Variants in ARHGEF3 observed in about 807,000 individuals in gnomAD.
The protein encoded by ARHGEF3 is 59.8 kDA protein.
A neutral mutation model predicts 63.2 loss-of-function variants in ARHGEF3; 28 were observed. The ratio of observed to expected loss-of-function variants is 0.44; its 90% CI spans 0.33 to 0.61. The LOEUF is 0.61. Ranked by LOEUF, ARHGEF3 falls within the 20% of genes least tolerant of loss-of-function variation. ARHGEF3 has a pLI of 0.03. For synonymous variants in ARHGEF3, 266 were observed against 254.2 expected (o/e 1.05, Z -0.44); for missense variants, 533 against 659.3 (o/e 0.81, Z 2.10).
intron 3 of ARHGEF3, among the ~76,000 whole-genome samples, chr3:56,886,350 C>G (rs1458317296): frequency 6.6e-6 from 1 of 152,118 alleles, no homozygotes; most frequent in East Asian, 1.9e-4. Context: ...TGCTTGTCTT[C>G]TTCACTAATT....
rs535600980 is a variant in ARHGEF3 at position 56,744,939 on chromosome 3, G to A, written c.870+266C>T. The stretch of plus-strand genomic sequence containing the variant: ...ACAGCAACTGTAACACCAGATTAGA[G>A]TCACCTGTATAAAATTAAGAATTTT... On this transcript the variant is annotated intron_variant, in intron 7 of 9. Coordinates refer to ENST00000296315, the MANE Select transcript of ARHGEF3 (RefSeq NM_019555.3). Among the ~76,000 whole-genome samples, 11 of 152,276 alleles carry A rather than the reference G, an allele frequency of 7.2e-5. No individual in the cohort carries two copies. The South Asian group carries it at 2.3e-3, about 32-fold the overall frequency.
At chr3:56,968,092 C>T (rs59559389) in intron 2 of ARHGEF3, among the ~76,000 whole-genome samples, 47,753 of 51,264 alleles carry the variant, frequency 0.93, 22,558 homozygotes, top group Middle Eastern at 1. Flanking sequence ...ATTTATTATA[C>T]ATAAAATATA....
chr3:56,773,873 T>G, intron 1 of ARHGEF3, 57 bp from the exon 2 acceptor site: 1 of 1,382,106 alleles, frequency 7.2e-7, no homozygotes, highest in Non-Finnish European at 1.0e-6. Context: ...AAAGACAACA[T>G]AACTCCATCA....
intron 1 of ARHGEF3, among the ~76,000 whole-genome samples, chr3:57,050,767 C>A (rs528590604): frequency 6.6e-6 from 1 of 152,206 alleles, no homozygotes; most frequent in Non-Finnish European, 1.5e-5. Context: ...GGGAGTAACA[C>A]GATCAACTTC....
intron 1 of ARHGEF3, among the ~76,000 whole-genome samples, chr3:57,069,147 T>C (rs1422093059): frequency 6.6e-6 from 1 of 152,102 alleles, no homozygotes; most frequent in South Asian, 2.1e-4. Context: ...GGTCTTGAAC[T>C]CCTGACCTCG....
At chr3:57,014,895 C>T (rs536911741) in intron 2 of ARHGEF3, among the ~76,000 whole-genome samples, 9 of 152,276 alleles carry the variant, frequency 5.9e-5, no homozygotes, top group African/African-American at 2.2e-4. Flanking sequence ...CCGTGTTAGC[C>T]AGGATGGTCT....
intron 4 of ARHGEF3, among the ~76,000 whole-genome samples, chr3:56,807,219 A>T (rs984427168): frequency 6.6e-6 from 1 of 152,060 alleles, no homozygotes; most frequent in African/African-American, 2.4e-5. Flanking sequence ...TTGTTCATCC[A>T]TCCGTTCATT....
At chr3:56,819,849 A>G (rs1262238113) in intron 4 of ARHGEF3, among the ~76,000 whole-genome samples, 5 of 136,588 alleles carry the variant, frequency 3.7e-5, no homozygotes, top group African/African-American at 1.1e-4. Context: ...TCATTTTGTC[A>G]TCCAGGCTGG....
intron 2 of ARHGEF3, among the ~76,000 whole-genome samples, chr3:56,964,897 A>G (rs897277813): frequency 6.6e-6 from 1 of 152,204 alleles, no homozygotes; most frequent in Non-Finnish European, 1.5e-5. Context: ...TTAAATAGAT[A>G]AAACTGGCCA....
chr3:56,906,485 G>A (rs569043370), intron 3 of ARHGEF3, among the ~76,000 whole-genome samples: 4 of 152,092 alleles, frequency 2.6e-5, no homozygotes, highest in African/African-American at 7.2e-5. Context: ...GACTTGGTAC[G>A]AAAAAGAGAA....
intron 4 of ARHGEF3, among the ~76,000 whole-genome samples, chr3:56,812,242 G>C (rs1489529413): frequency 6.6e-6 from 1 of 152,164 alleles, no homozygotes; most frequent in Non-Finnish European, 1.5e-5. Flanking sequence ...ATACTATAGT[G>C]GGCTGTTTGA....
intron 2 of ARHGEF3, among the ~76,000 whole-genome samples, chr3:56,974,444 C>T (rs958274894): frequency 4.6e-5 from 7 of 152,172 alleles, no homozygotes; most frequent in African/African-American, 7.2e-5. Flanking sequence ...GCATCATCAG[C>T]GGATAGATGG....
At chr3:56,801,993 G>C, upstream of ARHGEF3, 1 of 1,342,904 alleles carries the variant, frequency 7.4e-7, no homozygotes, top group Non-Finnish European at 9.8e-7. Flanking sequence ...GCCACGCCTT[G>C]ATGGGTGGGG....
At chr3:56,797,998 C>G (rs1288002155) in intron 1 of ARHGEF3, among the ~76,000 whole-genome samples, 3 of 152,190 alleles carry the variant, frequency 2.0e-5, no homozygotes, top group Non-Finnish European at 2.9e-5. Context: ...CTGCAAATCG[C>G]TTCCCCTCAG....
chr3:57,037,690 C>T (rs1037897389), intron 1 of ARHGEF3, among the ~76,000 whole-genome samples: 13 of 152,138 alleles, frequency 8.5e-5, no homozygotes, highest in African/African-American at 2.4e-4. Flanking sequence ...CTGGCTAACA[C>T]GGTGAAAACC....
chr3:56,804,797 A>G (rs1009366514), upstream of ARHGEF3, among the ~76,000 whole-genome samples: 1 of 152,226 alleles, frequency 6.6e-6, no homozygotes, highest in Non-Finnish European at 1.5e-5. Context: ...CAAGTGCTCC[A>G]AAAGCTTAGC....
chr3:56,972,587 A>T (rs1560098729), intron 2 of ARHGEF3, among the ~76,000 whole-genome samples: 1 of 151,992 alleles, frequency 6.6e-6, no homozygotes, highest in Non-Finnish European at 1.5e-5. Flanking sequence ...TGCCCAGGGC[A>T]GGCTTCTCCC....
At chr3:57,065,865 G>A (rs1011687049) in intron 1 of ARHGEF3, among the ~76,000 whole-genome samples, 2 of 152,068 alleles carry the variant, frequency 1.3e-5, no homozygotes, top group Non-Finnish European at 2.9e-5. Flanking sequence ...CCAATTTGTT[G>A]CAGATAAATG....
At chr3:56,814,536 T>A (rs762023824) in intron 4 of ARHGEF3, among the ~76,000 whole-genome samples, 2 of 152,196 alleles carry the variant, frequency 1.3e-5, no homozygotes, top group African/African-American at 4.8e-5. Context: ...GATATGAGAG[T>A]TTCAAGGTTT....
Sources: gnomAD v4.1 joint callset for allele counts (sites outside exome capture counted in the v4.1 genomes callset) on GRCh38, gnomAD v4.1.1 for gene constraint, MANE v1.5 for transcripts, NCBI Gene and HGNC (gene_info 2026-07-23, HGNC 2026-07-21) for gene names.